Variants in TPTE2 observed in about 807,000 individuals in gnomAD.
The protein encoded by TPTE2 is phosphatidylinositol 3,4,5-trisphosphate 3-phosphatase TPTE2.
In TPTE2, 53 loss-of-function variants were observed where a neutral mutation model predicts 78.6. The observed-to-expected ratio is 0.67, with a 90% confidence interval of 0.54 to 0.85. The LOEUF is 0.85. Ranked by LOEUF, TPTE2 falls within the 40% of genes least tolerant of loss-of-function variation. The pLI, the probability that TPTE2 is intolerant of heterozygous loss-of-function variation, is 0.00. For missense variants in TPTE2, 461 were observed against 623.0 expected (o/e 0.74, Z 2.77); for synonymous variants, 175 against 206.2 (o/e 0.85, Z 1.30).
At chr13:19,550,803 A>T in the TPTE2 span, among the ~76,000 whole-genome samples, 94,453 of 150,652 alleles carry the variant, frequency 0.63, 32,661 homozygotes, top group East Asian at 0.88. Flanking sequence ...TTATTTATTT[A>T]TTTTTTTCTT....
At chr13:19,451,072 T>G (rs1423591168) in intron 11 of TPTE2, 93 bp downstream of exon 14, 1 of 1,466,042 alleles carries the variant, frequency 6.8e-7, no homozygotes, top group East Asian at 2.3e-5. Flanking sequence ...CAAATACTTA[T>G]GATTAAATGC....
chr13:19,425,860 T>A (rs748692846), intron 18 of TPTE2: 1 of 517,808 alleles, frequency 1.9e-6, no homozygotes, highest in South Asian at 1.4e-5. Flanking sequence ...ACTGCTTTGG[T>A]TATTTCGTGT....
At chr13:19,556,447 A>G in the TPTE2 span, among the ~76,000 whole-genome samples, 2 of 152,298 alleles carry the variant, frequency 1.3e-5, no homozygotes, top group Middle Eastern at 3.4e-3. Flanking sequence ...GGGGAAAATC[A>G]AAAGTTTGTA....
intron 5 of TPTE2, among the ~76,000 whole-genome samples, chr13:19,475,158 G>A (rs1292248958): frequency 1.3e-5 from 2 of 151,950 alleles, no homozygotes; most frequent in African/African-American, 4.8e-5. Context: ...TTTTATTTCA[G>A]TGTTTCTCAT....
In TPTE2 at chr13:19,497,042, G is replaced by A. The variant is rs565016367; in HGVS notation, c.12-3541C>T. ...CGAGTCAAAGAAAGGGGTGACAGAC[G>A]GCACCTGGAAAATCGGGTCACTCCC... On this transcript the variant is annotated intron_variant, in intron 1 of 19. Transcript: ENST00000400230. 3.5e-4 allele frequency among the ~76,000 whole-genome samples: 51 copies of A among 147,126 alleles called. 1 individual carries two copies. The highest frequency in any genetic ancestry group is 9.6e-4 in the Admixed American group (14 of 14,648).
upstream of TPTE2, among the ~76,000 whole-genome samples, chr13:19,539,842 T>C (rs147268422): frequency 8.6e-3 from 1,317 of 152,280 alleles, 14 homozygotes; most frequent in African/African-American, 0.03. Context: ...ATTTATGAAG[T>C]TCCATAACAA....
chr13:19,522,505 T>C (rs1311860413), intron 1 of TPTE2, among the ~76,000 whole-genome samples: 2 of 152,102 alleles, frequency 1.3e-5, no homozygotes, highest in Non-Finnish European at 2.9e-5. Flanking sequence ...GGAAAAGACA[T>C]TAAATTTGTA....
upstream of TPTE2, among the ~76,000 whole-genome samples, chr13:19,505,258 A>G (rs1868927708): frequency 6.6e-6 from 1 of 151,992 alleles, no homozygotes; most frequent in Admixed American, 6.5e-5. Context: ...CTCCTTCCTC[A>G]GCCTCCTGAG....
At chr13:19,424,726 A>T (rs1219262959) in intron 19 of TPTE2, among the ~76,000 whole-genome samples, 2 of 152,222 alleles carry the variant, frequency 1.3e-5, no homozygotes, top group African/African-American at 2.4e-5. Context: ...ACACAGTCCT[A>T]TGGCATGGAC....
the TPTE2 span, among the ~76,000 whole-genome samples, chr13:19,545,203 A>C: frequency 6.6e-6 from 1 of 152,178 alleles, no homozygotes; most frequent in African/African-American, 2.4e-5. Context: ...ACTCTCTGTA[A>C]AAGGGGAAGA....
At chr13:19,481,318 A>AT (rs894789716) in intron 4 of TPTE2, among the ~76,000 whole-genome samples, 3 of 152,202 alleles carry the variant, frequency 2.0e-5, no homozygotes, top group Non-Finnish European at 4.4e-5. Context: ...TTTATTACTA[A>AT]TTTTTTACAA....
intron 4 of TPTE2, among the ~76,000 whole-genome samples, chr13:19,479,164 A>T (rs972211513): frequency 4.6e-5 from 7 of 152,202 alleles, no homozygotes; most frequent in Non-Finnish European, 8.8e-5. Context: ...ATAATAATAA[A>T]AAAATGTAGC....
At chr13:19,510,355 A>G (rs1488591660) in intron 1 of TPTE2, among the ~76,000 whole-genome samples, 5 of 152,254 alleles carry the variant, frequency 3.3e-5, no homozygotes, top group Admixed American at 2.6e-4. Context: ...GGCTGCTCCC[A>G]TTTATGGTGG....
At chr13:19,522,527 T>G (rs1870214152) in intron 1 of TPTE2, among the ~76,000 whole-genome samples, 1 of 152,042 alleles carries the variant, frequency 6.6e-6, no homozygotes, top group Admixed American at 6.6e-5. Context: ...GTGGAAGACA[T>G]GAACAGAAAT....
At chr13:19,445,374 T>C (rs1860251869) in intron 13 of TPTE2, among the ~76,000 whole-genome samples, 1 of 151,652 alleles carries the variant, frequency 6.6e-6, no homozygotes, top group African/African-American at 2.4e-5. Context: ...TTAGTAATTA[T>C]AGAAATGCAA....
chr13:19,450,442 CTA>C (rs1878106566), intron 11 of TPTE2, 98 bp from the exon 15 acceptor site: 1 of 1,145,160 alleles, frequency 8.7e-7, no homozygotes, highest in African/African-American at 1.6e-5. Context: ...AATTCCTTAT[CTA>C]TCTTCAAAAA....
At chr13:19,490,788 T>C (rs1880945448) in intron 3 of TPTE2, among the ~76,000 whole-genome samples, 1 of 152,242 alleles carries the variant, frequency 6.6e-6, no homozygotes, top group Admixed American at 6.5e-5. Context: ...AGGGGTCTAT[T>C]AGCTTTGCTC....
chr13:19,550,851 A>G, the TPTE2 span, among the ~76,000 whole-genome samples: 9 of 150,798 alleles, frequency 6.0e-5, no homozygotes, highest in East Asian at 1.4e-3. Flanking sequence ...GCTAGAGTGC[A>G]GTGGCGCAAT....
At chr13:19,522,767 C>T (rs1870246899) in intron 1 of TPTE2, among the ~76,000 whole-genome samples, 2 of 151,440 alleles carry the variant, frequency 1.3e-5, no homozygotes, top group South Asian at 4.2e-4. Flanking sequence ...GGACTACAGG[C>T]ACCCGCCACC....
Sources: allele counts gnomAD v4.1 joint callset (sites outside exome capture counted in the v4.1 genomes callset), GRCh38; gene constraint gnomAD v4.1.1; transcripts MANE v1.5; gene names NCBI Gene and HGNC (gene_info 2026-07-23, HGNC 2026-07-21).